Variants in TFDP2 observed in about 807,000 individuals in gnomAD.
The protein encoded by TFDP2 is transcription factor Dp-2, also known as transcription factor Dp-2 (E2F dimerization partner 2).
In TFDP2, 17 loss-of-function variants were observed where a neutral mutation model predicts 59.3. The observed-to-expected ratio is 0.29, with a 90% CI of 0.20 to 0.43. TFDP2 has a LOEUF of 0.43. Ranked by LOEUF, TFDP2 falls within the 20% of genes least tolerant of loss-of-function variation. TFDP2 has a pLI of 1.00. For missense variants in TFDP2, 391 were observed against 528.8 expected, an observed-to-expected ratio of 0.74 and a Z score of 2.56; for synonymous variants, 180 against 194.7, an observed-to-expected ratio of 0.92 and a Z score of 0.63.
intron 1 of TFDP2, among the ~76,000 whole-genome samples, chr3:142,127,049 T>G (rs994615634): frequency 1.3e-5 from 2 of 149,476 alleles, no homozygotes; most frequent in Non-Finnish European, 3.0e-5. Flanking sequence ...CTTATAGATA[T>G]CTATAAGATG....
At chr3:142,149,070 G>GA (rs1251645045) in intron 1 of TFDP2, 113 bp downstream of exon 1, 117 of 394,252 alleles carry the variant, frequency 3.0e-4, no homozygotes, top group African/African-American at 2.2e-3. Context: ...GATGGGACTC[G>GA]TGGGGGAACA....
intron 1 of TFDP2, among the ~76,000 whole-genome samples, chr3:142,109,831 T>A (rs545211638): frequency 6.6e-6 from 1 of 152,210 alleles, no homozygotes; most frequent in Non-Finnish European, 1.5e-5. Flanking sequence ...CCTAGAACCA[T>A]TGGCATTTTA....
At chr3:141,970,519 T>G (rs189706870) in intron 8 of TFDP2, among the ~76,000 whole-genome samples, 15 of 152,114 alleles carry the variant, frequency 9.9e-5, no homozygotes, top group African/African-American at 2.9e-4. Context: ...AAAAACCTTA[T>G]GAGTTAAGTC....
At chr3:142,028,164 A>G (rs1946227758) in intron 3 of TFDP2, among the ~76,000 whole-genome samples, 1 of 152,240 alleles carries the variant, frequency 6.6e-6, no homozygotes, top group Non-Finnish European at 1.5e-5. Context: ...TCGTAAGTGG[A>G]AAAAATGTTT....
intron 3 of TFDP2, among the ~76,000 whole-genome samples, chr3:142,075,734 G>GAAAAAAAAA (rs530375441): frequency 2.2e-5 from 1 of 45,516 alleles, no homozygotes; most frequent in Admixed American, 2.6e-4. Context: ...TGTCTCTACA[G>GAAAAAAAAA]AAAAAAAAAA....
intron 6 of TFDP2, among the ~76,000 whole-genome samples, chr3:141,979,048 T>A (rs1028090486): frequency 6.6e-6 from 1 of 152,224 alleles, no homozygotes; most frequent in African/African-American, 2.4e-5. Context: ...AGATTATAGT[T>A]TTTTACTGAA....
intron 1 of TFDP2, among the ~76,000 whole-genome samples, chr3:142,119,480 T>TA (rs1236532664): frequency 2.0e-5 from 3 of 152,312 alleles, no homozygotes; most frequent in East Asian, 3.9e-4. Context: ...AAGCTGTCCT[T>TA]AGAGTTTCAA....
chr3:142,058,352 A>G (rs1358505499), intron 3 of TFDP2, among the ~76,000 whole-genome samples: 2 of 150,980 alleles, frequency 1.3e-5, no homozygotes, highest in Non-Finnish European at 2.9e-5. Flanking sequence ...ACACCAACCA[A>G]TTCTCCAATT....
chr3:142,137,515 G>A (rs1686960275), intron 1 of TFDP2, among the ~76,000 whole-genome samples: 2 of 152,170 alleles, frequency 1.3e-5, no homozygotes, highest in Middle Eastern at 3.4e-3. Flanking sequence ...ATTGGCTGTG[G>A]GTTTGTCATA....
At position 142,044,232 on chromosome 3, in the gene TFDP2, T is replaced by G. The variant is rs939384829; in HGVS notation, c.83-38688A>C. ...CGGCGGCAGCAGCAAAAGGGTTTTT[T>G]TTTTTTTTTTTTTTTTTTTTGAGCC... On this transcript the variant is annotated intron_variant, in intron 3 of 12. Coordinates refer to ENST00000489671, the MANE Select transcript of TFDP2 (RefSeq NM_001178139.2). 4.9e-5 allele frequency: 10 copies of G among 203,380 alleles called. No homozygotes were observed. In the South Asian group the frequency reaches 5.8e-4, roughly 12 times the overall value. The allele number at this position is 203,380 out of a possible 1,614,324, so 12.6% of individuals were successfully genotyped here.
At chr3:142,130,779 C>T (rs562499379) in intron 1 of TFDP2, among the ~76,000 whole-genome samples, 5 of 152,018 alleles carry the variant, frequency 3.3e-5, no homozygotes, top group South Asian at 2.1e-4. Flanking sequence ...GGGCAGGGCG[C>T]GGTGGCTCAT....
chr3:142,109,354 G>A (rs1434388107), intron 1 of TFDP2, among the ~76,000 whole-genome samples: 4 of 137,474 alleles, frequency 2.9e-5, no homozygotes, highest in African/African-American at 1.1e-4. Context: ...TTTTTGAGAT[G>A]GAGTCTCGCT....
intron 6 of TFDP2, among the ~76,000 whole-genome samples, chr3:141,988,003 G>A (rs1161539508): frequency 6.6e-6 from 1 of 151,188 alleles, no homozygotes; most frequent in Non-Finnish European, 1.5e-5. Flanking sequence ...CTGGAGTGCA[G>A]GGGCCTGATC....
In TFDP2 at chr3:142,149,300, T is replaced by C. The variant is rs1410744364; in HGVS notation, c.-210A>G. On this transcript the variant is annotated 5_prime_UTR_variant, in exon 1 of 13. Coordinates refer to ENST00000489671, the MANE Select transcript of TFDP2 (RefSeq NM_001178139.2). The stretch of plus-strand genomic sequence containing the variant: ...CGCTTAGGCGGCGGCCGGGTCCCGG[T>C]GGACTCACACCCGGGGAGACGCGGC... 1 of 395,438 alleles carries C rather than the reference T, an allele frequency of 2.5e-6. No individual in the cohort carries two copies. Among genetic ancestry groups the C allele is most frequent in the African/African-American group, 2.1e-5 (1 of 48,380 alleles). 24.5% of individuals were successfully genotyped at this position (395,438 alleles called of 1,614,324 possible). A position where few individuals can be genotyped will look rare whatever the true frequency, so the allele number is the denominator to read the frequency against.
intron 9 of TFDP2, among the ~76,000 whole-genome samples, chr3:141,967,249 T>C (rs901500469): frequency 1.3e-5 from 2 of 151,170 alleles, no homozygotes; most frequent in South Asian, 2.1e-4. Context: ...TTAATTTATT[T>C]GATGAAAGGA....
At chr3:142,075,735 A>C (rs867747811) in intron 3 of TFDP2, among the ~76,000 whole-genome samples, 1 of 103,152 alleles carries the variant, frequency 9.7e-6, no homozygotes, top group Non-Finnish European at 2.1e-5. Context: ...GTCTCTACAG[A>C]AAAAAAAAAA....
chr3:142,080,479 CG>C (rs1180862885), intron 3 of TFDP2, among the ~76,000 whole-genome samples: 1 of 152,030 alleles, frequency 6.6e-6, no homozygotes, highest in Non-Finnish European at 1.5e-5. Flanking sequence ...AATAAAATGG[CG>C]GGAGTAAGTC....
Position 142,139,868 on chromosome 3 carries a change from A to G in TFDP2, c.-93+9315T>C, listed in dbSNP as rs145905773. On this transcript the variant is annotated intron_variant, in intron 1 of 12. Transcript: ENST00000489671. Reference sequence around the variant, plus strand: ...TCTTGGGGTTGCTCTTCTCAGGAGTATCTTTGTGGTGTTCTCTGTATTTCC... The same window carrying G: ...TCTTGGGGTTGCTCTTCTCAGGAGTGTCTTTGTGGTGTTCTCTGTATTTCC... 8.3e-4 allele frequency among the ~76,000 whole-genome samples: 127 copies of G among 152,148 alleles called. 1 individual carries two copies. In the East Asian group the frequency reaches 0.022, roughly 26 times the overall value.
In TFDP2 at chr3:141,946,465, TA is replaced by T. The variant is rs1935260660; in HGVS notation, c.*6047del. On this transcript the variant is annotated 3_prime_UTR_variant, in exon 13 of 13. Transcript: ENST00000489671. ...GAACAGCTGCACAGAATACACATTA[TA>T]AATGAGCACTTTCTCCTATCTCAGC... 1 of 152,224 alleles carries T rather than the reference TA, an allele frequency of 6.6e-6. No individual in the cohort carries two copies. The highest frequency in any genetic ancestry group is 6.5e-5 in the Admixed American group (1 of 15,272). 9.4% of individuals were successfully genotyped at this position (152,224 alleles called of 1,614,324 possible). A position where few individuals can be genotyped will look rare whatever the true frequency, so the allele number is the denominator to read the frequency against.
Sources: gnomAD v4.1 joint callset for allele counts (sites outside exome capture counted in the v4.1 genomes callset) on GRCh38, gnomAD v4.1.1 for gene constraint, MANE v1.5 for transcripts, NCBI Gene and HGNC (gene_info 2026-07-23, HGNC 2026-07-21) for gene names.